Variants in ZBTB20 observed in about 807,000 individuals in gnomAD.
The protein encoded by ZBTB20 is zinc finger and BTB domain-containing protein 20.
ZBTB20 carries 9 observed loss-of-function variants against 56.9 expected under a neutral mutation model. That is an observed-to-expected ratio of 0.16 (90% CI 0.10 to 0.28). The LOEUF is 0.28. Ranked by LOEUF, ZBTB20 falls within the 10% of genes least tolerant of loss-of-function variation. ZBTB20 has a pLI of 1.00. For missense variants in ZBTB20, 655 were observed against 1,003.0 expected, an observed-to-expected ratio of 0.65 and a Z score of 4.69; for synonymous variants, 417 against 420.7, an observed-to-expected ratio of 0.99 and a Z score of 0.11.
chr3:114,353,662 C>T (rs1217572046), intron 10 of ZBTB20, among the ~76,000 whole-genome samples: 1 of 152,164 alleles, frequency 6.6e-6, no homozygotes, highest in African/African-American at 2.4e-5. Context: ...TGTTCAGGAG[C>T]TCAATCAGCA....
intron 1 of ZBTB20, 109 bp downstream of exon 1, chr3:115,147,110 C>T (rs2085025005): frequency 6.8e-6 from 1 of 146,452 alleles, no homozygotes; most frequent in South Asian, 2.2e-4. Context: ...TTCCCAGTCC[C>T]GCCGCCCCCC....
chr3:114,686,717 G>A (rs897572561), intron 6 of ZBTB20, among the ~76,000 whole-genome samples: 6 of 152,052 alleles, frequency 3.9e-5, no homozygotes, highest in Non-Finnish European at 7.4e-5. Context: ...AAAACCACAA[G>A]ACTTTCTCTT....
At chr3:115,110,443 G>C (rs1002300993) in intron 1 of ZBTB20, among the ~76,000 whole-genome samples, 1 of 152,100 alleles carries the variant, frequency 6.6e-6, no homozygotes, top group African/African-American at 2.4e-5. Flanking sequence ...TATAAGGTCA[G>C]ATCAAAAGTT....
At chr3:114,903,815 C>CT (rs1484915040) in intron 3 of ZBTB20, among the ~76,000 whole-genome samples, 2 of 151,954 alleles carry the variant, frequency 1.3e-5, no homozygotes, top group Non-Finnish European at 2.9e-5. Flanking sequence ...CACTTATCAC[C>CT]TTTTTATGTA....
chr3:114,492,554 T>G (rs1383975706), intron 7 of ZBTB20, among the ~76,000 whole-genome samples: 2 of 152,282 alleles, frequency 1.3e-5, no homozygotes, highest in Admixed American at 6.5e-5. Context: ...GTTCCATCAA[T>G]TTCCTCCCAT....
Position 115,014,499 on chromosome 3 carries a change from C to T in ZBTB20, c.-506-40083G>A, listed in dbSNP as rs1008890239. Among the ~76,000 whole-genome samples the T allele has an allele frequency of 2.6e-5, 4 of 151,744 alleles. No homozygotes were observed. The East Asian group carries it at 7.8e-4, about 30-fold the overall frequency. Reference sequence around the variant, plus strand: ...CATTTACTCTTATGTGATTATTACTCATTGCATGCCTCTATCAAAATACCT... The same window carrying T: ...CATTTACTCTTATGTGATTATTACTTATTGCATGCCTCTATCAAAATACCT... On this transcript the variant is annotated intron_variant, in intron 2 of 11. Coordinates refer to ENST00000675478, the MANE Select transcript of ZBTB20 (RefSeq NM_001348800.3).
chr3:114,838,225 T>C (rs2074211530), intron 4 of ZBTB20, among the ~76,000 whole-genome samples: 1 of 152,182 alleles, frequency 6.6e-6, no homozygotes, highest in Non-Finnish European at 1.5e-5. Context: ...AAGGGAAGCA[T>C]TTTTAGGGAA....
chr3:114,591,924 T>C (rs2055807491), intron 6 of ZBTB20, among the ~76,000 whole-genome samples: 1 of 152,210 alleles, frequency 6.6e-6, no homozygotes, highest in Admixed American at 6.5e-5. Flanking sequence ...TCTGGTATCC[T>C]GTTGTTAATG....
At chr3:114,420,242 A>G (rs956761440) in intron 7 of ZBTB20, among the ~76,000 whole-genome samples, 2 of 152,146 alleles carry the variant, frequency 1.3e-5, no homozygotes, top group Non-Finnish European at 2.9e-5. Flanking sequence ...AGCTGGGGGT[A>G]AGCAGTATGG....
intron 4 of ZBTB20, among the ~76,000 whole-genome samples, chr3:114,860,229 A>G (rs1379248073): frequency 1.3e-5 from 2 of 151,484 alleles, no homozygotes; most frequent in East Asian, 3.9e-4. Context: ...ATCGCTTGAA[A>G]CCGGGAGGTG....
intron 4 of ZBTB20, among the ~76,000 whole-genome samples, chr3:114,810,032 G>A (rs549330251): frequency 7.9e-5 from 12 of 152,142 alleles, no homozygotes; most frequent in Non-Finnish European, 1.6e-4. Context: ...TCAGTCACAG[G>A]TTGTACTTAA....
At chr3:114,575,153 C>G (rs2053872739) in intron 6 of ZBTB20, among the ~76,000 whole-genome samples, 1 of 152,174 alleles carries the variant, frequency 6.6e-6, no homozygotes, top group East Asian at 1.9e-4. Flanking sequence ...CTTTTAGTGA[C>G]TTTTAGATAG....
At chr3:114,837,459 G>C (rs1213224994) in intron 4 of ZBTB20, among the ~76,000 whole-genome samples, 1 of 152,112 alleles carries the variant, frequency 6.6e-6, no homozygotes, top group South Asian at 2.1e-4. Context: ...GGTGCCTATG[G>C]GTCAAAGTTT....
intron 1 of ZBTB20, among the ~76,000 whole-genome samples, chr3:115,077,462 C>A (rs573855376): frequency 6.6e-6 from 1 of 152,314 alleles, no homozygotes; most frequent in Admixed American, 6.5e-5. Flanking sequence ...TTACCAGATA[C>A]AAAAACTGCC....
chr3:114,992,529 T>C (rs777187298), intron 2 of ZBTB20, among the ~76,000 whole-genome samples: 4 of 151,656 alleles, frequency 2.6e-5, no homozygotes, highest in African/African-American at 4.8e-5. Flanking sequence ...AAGAAAGAAC[T>C]CAAAGCCAGA....
chr3:115,084,285 C>CAAAA (rs11426311), intron 1 of ZBTB20, among the ~76,000 whole-genome samples: 2 of 119,858 alleles, frequency 1.7e-5, no homozygotes, highest in South Asian at 2.7e-4. Context: ...TGAAGAGTGC[C>CAAAA]AAAAAAAAAA....
At chr3:115,117,747 T>C (rs1464039732) in intron 1 of ZBTB20, among the ~76,000 whole-genome samples, 1 of 152,174 alleles carries the variant, frequency 6.6e-6, no homozygotes, top group Non-Finnish European at 1.5e-5. Context: ...TCCTGTCAAA[T>C]TCATAGTGCT....
intron 7 of ZBTB20, among the ~76,000 whole-genome samples, chr3:114,483,453 A>T (rs2041773066): frequency 6.6e-6 from 1 of 151,868 alleles, no homozygotes; most frequent in Non-Finnish European, 1.5e-5. Flanking sequence ...TGAGGGCAGT[A>T]TAGGTACAGC....
intron 4 of ZBTB20, among the ~76,000 whole-genome samples, chr3:114,828,402 C>T (rs572309353): frequency 6.6e-6 from 1 of 151,764 alleles, no homozygotes; most frequent in East Asian, 1.9e-4. Context: ...CGTTTAATGA[C>T]TTATTCTGTT....
Sources: gnomAD v4.1 joint callset for allele counts (sites outside exome capture counted in the v4.1 genomes callset) on GRCh38, gnomAD v4.1.1 for gene constraint, MANE v1.5 for transcripts, NCBI Gene and HGNC (gene_info 2026-07-23, HGNC 2026-07-21) for gene names.